The following HIVEP3 variants were observed in gnomAD, a reference collection of about 807,000 sequenced individuals.
HIVEP3 encodes the protein HIVEP zinc finger 3.
In HIVEP3, 49 loss-of-function variants were observed where a neutral mutation model predicts 152.8. The observed-to-expected ratio is 0.32, with a 90% CI of 0.26 to 0.41. The LOEUF is 0.41. Ranked by LOEUF, HIVEP3 falls within the 10% of genes least tolerant of loss-of-function variation. HIVEP3 has a pLI of 1.00. For missense variants in HIVEP3, 2,790 were observed against 3,103.3 expected (o/e 0.90, Z 2.40); for synonymous variants, 1,269 against 1,289.0 (o/e 0.98, Z 0.33).
At chr1:41,696,776 T>C (rs772484838) in intron 2 of HIVEP3, among the ~76,000 whole-genome samples, 2 of 152,040 alleles carry the variant, frequency 1.3e-5, no homozygotes, top group Non-Finnish European at 2.9e-5. Flanking sequence ...CGTAACTGCA[T>C]AGAAAAAAAG....
intron 1 of HIVEP3, among the ~76,000 whole-genome samples, chr1:41,829,187 C>T (rs1358939069): frequency 6.6e-6 from 1 of 152,134 alleles, no homozygotes; most frequent in Non-Finnish European, 1.5e-5. Flanking sequence ...GGAAACAATA[C>T]CCACTTCGAT....
intron 1 of HIVEP3, among the ~76,000 whole-genome samples, chr1:41,890,321 C>T (rs1347102684): frequency 6.6e-6 from 1 of 152,062 alleles, no homozygotes; most frequent in African/African-American, 2.4e-5. Context: ...AAGGGAGAAA[C>T]AGAAAAGTGA....
chr1:41,774,925 A>G (rs1648600655), intron 1 of HIVEP3, among the ~76,000 whole-genome samples: 1 of 152,008 alleles, frequency 6.6e-6, no homozygotes, highest in African/African-American at 2.4e-5. Flanking sequence ...CTTCCTAAGT[A>G]GCTGGGACTA....
At chr1:41,861,334 A>G (rs1643885479) in intron 1 of HIVEP3, among the ~76,000 whole-genome samples, 1 of 152,124 alleles carries the variant, frequency 6.6e-6, no homozygotes, top group African/African-American at 2.4e-5. Flanking sequence ...AAAAAGAAAA[A>G]CCTAGTTGCT....
rs1644381343 is a variant in HIVEP3, at chr1:41,580,225, C to T, written c.4573G>A (p.Ala1525Thr). ...TCCTTCAAAGCTTCTGAGCCTGGGG[C>T]TGTCCCATGGGACAATGCAGGGTGA... The part of the protein sequence containing the change: ...LPHPALSHGT[A>T]PGSEALKEYP... The change falls in exon 4 of 9, where the codon GCC (alanine) becomes ACC (threonine). Residue 1525 changes from alanine (A) to threonine (T), a missense_variant. Ala to Thr is a moderately conservative substitution (Grantham distance 58, BLOSUM62 0). Around this residue, in one of 9 missense-constraint regions of HIVEP3, gnomAD observed 1,078 missense variants for 1,165.3 expected, o/e 0.93. Transcript: ENST00000372583. The T allele has an allele frequency of 1.2e-6, 2 of 1,612,504 alleles. No individual in the cohort carries two copies. Among genetic ancestry groups the T allele is most frequent in the South Asian group, 2.2e-5 (2 of 90,788 alleles).
chr1:41,919,683 T>C (rs1162653421), upstream of HIVEP3, among the ~76,000 whole-genome samples: 1 of 152,052 alleles, frequency 6.6e-6, no homozygotes, highest in Admixed American at 6.5e-5. Flanking sequence ...GGTATGGAGG[T>C]AGAAAAACAG....
At chr1:41,532,169 C>A (rs1643279619) in intron 5 of HIVEP3, among the ~76,000 whole-genome samples, 1 of 104,578 alleles carries the variant, frequency 9.6e-6, no homozygotes, top group Non-Finnish European at 1.9e-5. Context: ...AGATAGAGGA[C>A]AGGGGAGATG....
intron 1 of HIVEP3, among the ~76,000 whole-genome samples, chr1:41,771,618 G>T (rs1648375440): frequency 6.6e-6 from 1 of 152,100 alleles, no homozygotes; most frequent in Non-Finnish European, 1.5e-5. Flanking sequence ...AGTTGGATTT[G>T]ACTGTTGCTC....
intron 2 of HIVEP3, among the ~76,000 whole-genome samples, chr1:41,646,614 G>A (rs1645464497): frequency 6.6e-6 from 1 of 152,142 alleles, no homozygotes; most frequent in African/African-American, 2.4e-5. Context: ...GACCCATGAG[G>A]GTGAGGCACA....
intron 1 of HIVEP3, among the ~76,000 whole-genome samples, chr1:42,009,984 C>T (rs181002491): frequency 1.1e-3 from 164 of 152,148 alleles, no homozygotes; most frequent in Middle Eastern, 6.8e-3. Flanking sequence ...GGCTGGAGTG[C>T]CATGGTGCCA....
intron 2 of HIVEP3, among the ~76,000 whole-genome samples, chr1:41,633,203 C>A (rs369972001): frequency 2.6e-5 from 4 of 152,284 alleles, no homozygotes; most frequent in African/African-American, 4.8e-5. Flanking sequence ...TCTTCTCCCC[C>A]CCGCAACACC....
intron 5 of HIVEP3, among the ~76,000 whole-genome samples, chr1:41,546,125 T>C (rs1447531598): frequency 6.6e-6 from 1 of 152,062 alleles, no homozygotes; most frequent in African/African-American, 2.4e-5. Context: ...TGACTGCAGA[T>C]GGGGTGGAGG....
chr1:41,514,779 G>C (rs547398118), intron 7 of HIVEP3, among the ~76,000 whole-genome samples: 1 of 152,342 alleles, frequency 6.6e-6, no homozygotes, highest in South Asian at 2.1e-4. Context: ...AAACAAAATT[G>C]TGATACTTGT....
rs370387897 is a variant in HIVEP3, at chr1:41,796,301, C to T, written c.-800-95306G>A. Among the ~76,000 whole-genome samples the T allele has an allele frequency of 6.6e-5, 10 of 152,352 alleles. No individual in the cohort carries two copies. The East Asian group carries it at 1.3e-3, about 21-fold the overall frequency. ...CATTGATTGGCTATGACTGATCCCA[C>T]GGCCATCTGCCGGGACCACACGACA... On this transcript the variant is annotated intron_variant, in intron 1 of 8. Transcript: ENST00000372583.
At chr1:41,779,928 AACTT>A (rs1298489817) in intron 1 of HIVEP3, among the ~76,000 whole-genome samples, 4 of 152,230 alleles carry the variant, frequency 2.6e-5, no homozygotes, top group Admixed American at 2.6e-4. Flanking sequence ...TTGGGCAACT[AACTT>A]AGTCTCTCTA....
chr1:41,558,853 C>T (rs1644010231), intron 5 of HIVEP3, among the ~76,000 whole-genome samples: 1 of 152,218 alleles, frequency 6.6e-6, no homozygotes, highest in African/African-American at 2.4e-5. Context: ...AGCCTGGCTT[C>T]TCCCTGGCTG....
Position 41,512,917 on chromosome 1 carries a change from G to A in HIVEP3, c.6304C>T (p.His2102Tyr), listed in dbSNP as rs770779486. ...GGGTCCAGCCCCAAGCCTGGGCCAT[G>A]CTCCCCCGCTGAGGGGCTGCCCGGC... ...AGPGSPSAGE[H>Y]GPGLGLDPRV... The change falls in exon 8 of 9, where the codon CAT (histidine) becomes TAT (tyrosine). Residue 2102 changes from histidine to tyrosine, a missense_variant. His to Tyr is a moderately conservative substitution (Grantham distance 83). Coordinates refer to ENST00000372583, the MANE Select transcript of HIVEP3 (RefSeq NM_024503.5). 1.9e-6 allele frequency: 3 copies of A among 1,590,328 alleles called. No homozygotes were observed. Among genetic ancestry groups the A allele is most frequent in the South Asian group, 2.3e-5 (2 of 88,398 alleles).
chr1:41,641,298 G>T (rs1645368158), intron 2 of HIVEP3, among the ~76,000 whole-genome samples: 1 of 152,218 alleles, frequency 6.6e-6, no homozygotes, highest in Non-Finnish European at 1.5e-5. Flanking sequence ...ACAGGTGTGT[G>T]TTTTTGGAGG....
At position 41,583,429 on chromosome 1, in the gene HIVEP3, G is replaced by A; in HGVS notation, c.1369C>T (p.Pro457Ser). The change falls in exon 4 of 9, where the codon CCC becomes TCC. Residue 457 changes from proline to serine, a missense_variant. Physicochemically the swap from Pro to Ser is moderately conservative, Grantham distance 74 (BLOSUM62 -1). This residue lies in a region of HIVEP3 where 134 missense variants were observed against 242.5 expected (regional missense o/e 0.55). Transcript: ENST00000372583. The surrounding 1 kb of genome is among the most constrained non-coding windows in gnomAD (Gnocchi z 6.9). Reference sequence around the variant, plus strand: ...ATGTGCTCGATCACCTGCGTCCGGGGTACAGACAAAGGCACCAGGCTGGGC... The same window carrying A: ...ATGTGCTCGATCACCTGCGTCCGGGATACAGACAAAGGCACCAGGCTGGGC... ...DKPSLVPLSV[P>S]RTQVIEHITK... is the part of the protein sequence containing the mutation. 1.2e-6 allele frequency: 2 copies of A among 1,613,990 alleles called. No homozygotes were observed. The highest frequency in any genetic ancestry group is 1.7e-6 in the Non-Finnish European group (2 of 1,180,012).
Sources: gnomAD v4.1 joint callset for allele counts (sites outside exome capture counted in the v4.1 genomes callset) on GRCh38, gnomAD v4.1.1 for gene constraint, gnomAD v4.1.1 regional missense constraint, Gnocchi (gnomAD v3.1) non-coding constraint, MANE v1.5 for transcripts, NCBI Gene and HGNC (gene_info 2026-07-23, HGNC 2026-07-21) for gene names.